The following THSD4 variants were observed in gnomAD, a reference collection of about 807,000 sequenced individuals.
THSD4 encodes thrombospondin type-1 domain-containing protein 4.
A neutral mutation model predicts 119.0 loss-of-function variants in THSD4; 69 were observed. The ratio of observed to expected loss-of-function variants is 0.58; its 90% CI spans 0.48 to 0.71. THSD4 has a LOEUF of 0.71. THSD4 is among the 30% of genes least tolerant of loss of function. THSD4 has a pLI of 0.00. For missense variants in THSD4, 1,393 were observed against 1,391.1 expected, an observed-to-expected ratio of 1.00 and a Z score of -0.02; for synonymous variants, 524 against 540.4, an observed-to-expected ratio of 0.97 and a Z score of 0.42.
At chr15:71,755,123 G>A (rs1351871722) in intron 14 of THSD4, among the ~76,000 whole-genome samples, 1 of 152,208 alleles carries the variant, frequency 6.6e-6, no homozygotes, top group Non-Finnish European at 1.5e-5. Flanking sequence ...AAATGGGGAA[G>A]GCAGAGAGCT....
intron 6 of THSD4, among the ~76,000 whole-genome samples, chr15:71,326,700 A>AAAAAAATATATATATATATATAT (rs1555464320): frequency 1.5e-4 from 1 of 6,454 alleles, no homozygotes; most frequent in African/African-American, 3.4e-4. Context: ...AAAAAAAAAA[A>AAAAAAATATATATATATATATAT]ATATATATAT....
chr15:71,572,878 T>C (rs533579331), intron 7 of THSD4, among the ~76,000 whole-genome samples: 1 of 152,220 alleles, frequency 6.6e-6, no homozygotes, highest in East Asian at 1.9e-4. Context: ...AAAGGGAGCC[T>C]GGCAGGGTTA....
chr15:71,577,888 T>G (rs2049484222), intron 7 of THSD4, among the ~76,000 whole-genome samples: 1 of 150,810 alleles, frequency 6.6e-6, no homozygotes, highest in South Asian at 2.1e-4. Flanking sequence ...TGGCTAATTT[T>G]TCGTGTGCGG....
At chr15:71,397,077 G>T (rs1318440609) in intron 6 of THSD4, among the ~76,000 whole-genome samples, 1 of 152,176 alleles carries the variant, frequency 6.6e-6, no homozygotes, top group Non-Finnish European at 1.5e-5. Flanking sequence ...TGAGAACAAT[G>T]GTCTTGCATG....
intron 9 of THSD4, 108 bp from the exon 10 acceptor site, chr15:71,731,013 A>T: frequency 1.0e-6 from 1 of 960,452 alleles, no homozygotes; most frequent in South Asian, 1.4e-5. Context: ...GATGCGTACT[A>T]GAGTGAACCA....
intron 6 of THSD4, among the ~76,000 whole-genome samples, chr15:71,307,876 A>T (rs1279950243): frequency 5.3e-5 from 8 of 152,260 alleles, no homozygotes; most frequent in Admixed American, 2.0e-4. Context: ...CAAGTCCAGG[A>T]GAAATCAGGC....
intron 8 of THSD4, among the ~76,000 whole-genome samples, chr15:71,662,230 C>T (rs2051324268): frequency 6.8e-6 from 1 of 147,534 alleles, no homozygotes; most frequent in Non-Finnish European, 1.5e-5. Context: ...CCATCCCCAT[C>T]TAGTCAAATG....
In THSD4 at chr15:71,266,456, G is replaced by T. The variant is rs189780586; in HGVS notation, c.1015+9741G>T. Among the ~76,000 whole-genome samples the T allele has an allele frequency of 3.0e-3, 446 of 151,118 alleles. 1 individual carries two copies. Among genetic ancestry groups the T allele is most frequent in the Non-Finnish European group, 5.4e-3 (366 of 67,828 alleles). On this transcript the variant is annotated intron_variant, in intron 6 of 17. Transcript: ENST00000261862. ...GTCCACGCAAAAACCACATATGAAG[G>T]TCACCAACATCAAAGAACAAAGGTA...
At chr15:71,632,640 TTA>T (rs1400289473) in intron 7 of THSD4, among the ~76,000 whole-genome samples, 1 of 152,232 alleles carries the variant, frequency 6.6e-6, no homozygotes, top group Non-Finnish European at 1.5e-5. Flanking sequence ...AACCCACAGT[TTA>T]TATGTCTTGG....
chr15:71,385,535 CAG>C (rs1415477525), intron 6 of THSD4, among the ~76,000 whole-genome samples: 1 of 152,014 alleles, frequency 6.6e-6, no homozygotes, highest in East Asian at 1.9e-4. Flanking sequence ...GTACAGAAAA[CAG>C]AAGTGACTTA....
chr15:71,698,738 CT>C (rs1240384961), intron 8 of THSD4, among the ~76,000 whole-genome samples: 1 of 151,348 alleles, frequency 6.6e-6, no homozygotes, highest in Non-Finnish European at 1.5e-5. Context: ...ATTATTAAGC[CT>C]TAAAAAGAAA....
chr15:71,336,339 A>G (rs1411552061), intron 6 of THSD4, among the ~76,000 whole-genome samples: 4 of 152,248 alleles, frequency 2.6e-5, no homozygotes, highest in African/African-American at 7.2e-5. Context: ...GTTAAATCTG[A>G]AATTCAGTTG....
intron 6 of THSD4, among the ~76,000 whole-genome samples, chr15:71,404,704 G>C (rs1041783922): frequency 2.0e-5 from 3 of 152,168 alleles, no homozygotes; most frequent in African/African-American, 7.2e-5. Flanking sequence ...AAGCTCCCTT[G>C]CCTCTTCTGA....
At position 71,297,315 on chromosome 15, in the gene THSD4, C is replaced by CTTTTTT. The variant is rs772196153; in HGVS notation, c.1015+40603_1015+40608dup. On this transcript the variant is annotated intron_variant, in intron 6 of 17. Transcript: ENST00000261862. ...TATTCAAGTCCTTTGCTCTCCTCTT[C>CTTTTTT]TTTTTTTTGTTTGTTTGTTTGTTTG... is the stretch of plus-strand genomic sequence containing the variant. Among the ~76,000 whole-genome samples, 47 of 137,662 alleles carry CTTTTTT rather than the reference C, an allele frequency of 3.4e-4. 1 individual carries two copies. Among genetic ancestry groups the CTTTTTT allele is most frequent in the Admixed American group, 1.2e-3 (16 of 13,722 alleles). 90.3% of individuals were successfully genotyped at this position (137,662 alleles called of 152,430 possible).
chr15:71,541,019 A>G (rs1208453892), intron 7 of THSD4, among the ~76,000 whole-genome samples: 1 of 152,134 alleles, frequency 6.6e-6, no homozygotes, highest in Non-Finnish European at 1.5e-5. Flanking sequence ...CACTGCGCCC[A>G]GCCTCATTTT....
chr15:71,379,656 C>A (rs2140450856), intron 6 of THSD4, among the ~76,000 whole-genome samples: 1 of 151,754 alleles, frequency 6.6e-6, no homozygotes, highest in East Asian at 1.9e-4. Context: ...GACAGGGTTT[C>A]ACCGTGTTAG....
chr15:71,166,664 T>A (rs886170950), intron 3 of THSD4, among the ~76,000 whole-genome samples: 3 of 152,194 alleles, frequency 2.0e-5, no homozygotes, highest in Non-Finnish European at 2.9e-5. Context: ...TGGGCTTCCA[T>A]GCTCTATAGA....
intron 6 of THSD4, among the ~76,000 whole-genome samples, chr15:71,370,237 C>G (rs12708503): frequency 0.16 from 24,830 of 152,024 alleles, 2,273 homozygotes; most frequent in Admixed American, 0.24. Flanking sequence ...AAACCAGCTC[C>G]TGGATTCATT....
chr15:71,617,440 G>A (rs1909947), intron 7 of THSD4, among the ~76,000 whole-genome samples: 28,817 of 150,962 alleles, frequency 0.19, 3,084 homozygotes, highest in Non-Finnish European at 0.24. Flanking sequence ...CTTCATCTCA[G>A]TTTCCTCTAA....
Sources: allele counts gnomAD v4.1 joint callset (sites outside exome capture counted in the v4.1 genomes callset), GRCh38; gene constraint gnomAD v4.1.1; transcripts MANE v1.5; gene names NCBI Gene and HGNC (gene_info 2026-07-23, HGNC 2026-07-21).